CCDC171: variants seen among roughly 807,000 people sequenced by gnomAD.
CCDC171 encodes the protein coiled-coil domain-containing protein 171.
Under a neutral mutation model 168.2 loss-of-function variants are expected in CCDC171, and 177 were observed. That is an observed-to-expected ratio of 1.05 (90% CI 0.93 to 1.19). The LOEUF (loss-of-function observed/expected upper bound fraction) is 1.19, where lower values mean the gene tolerates loss of function less well. Among genes scored for constraint, CCDC171 ranks in the 50% most tolerant of loss-of-function variants. The probability of loss-of-function intolerance (pLI) is 0.00; values close to 1 mark genes in which losing one functional copy is unlikely to be tolerated. For synonymous variants in CCDC171, 687 were observed against 540.8 expected, an observed-to-expected ratio of 1.27 and a Z score of -3.75; for missense variants, 1,991 against 1,539.0, an observed-to-expected ratio of 1.29 and a Z score of -4.91.
chr9:15,784,789 C>T (rs1297542947), intron 21 of CCDC171, 95 bp downstream of exon 21: 5 of 910,026 alleles, frequency 5.5e-6, no homozygotes, highest in Non-Finnish European at 8.1e-6. Context: ...GAATAGATCC[C>T]AAGATGTAAA....
chr9:15,789,630 C>G (rs1456092881), intron 21 of CCDC171, among the ~76,000 whole-genome samples: 1 of 152,048 alleles, frequency 6.6e-6, no homozygotes, highest in African/African-American at 2.4e-5. Flanking sequence ...ACTTTAAGTT[C>G]TAGGGTACAT....
At chr9:15,784,958 A>G (rs1363103123) in intron 21 of CCDC171, among the ~76,000 whole-genome samples, 1 of 152,150 alleles carries the variant, frequency 6.6e-6, no homozygotes, top group African/African-American at 2.4e-5. Context: ...TAACAATAAA[A>G]TTAACAATAA....
chr9:15,846,926 C>T, intron 22 of CCDC171, 79 bp downstream of exon 22: 3 of 1,269,214 alleles, frequency 2.4e-6, no homozygotes, highest in Non-Finnish European at 2.2e-6. Context: ...GGTTTTAGCC[C>T]TGGATAATAC....
intron 6 of CCDC171, 64 bp from the exon 7 acceptor site, chr9:15,623,203 G>T (rs1318563165): frequency 1.4e-5 from 17 of 1,195,412 alleles, no homozygotes; most frequent in Non-Finnish European, 2.0e-5. Flanking sequence ...GTCTTCTATT[G>T]GAGTGACTCT....
the CCDC171 span, among the ~76,000 whole-genome samples, chr9:16,081,962 TAACTA>T: frequency 6.6e-6 from 1 of 152,160 alleles, no homozygotes; most frequent in African/African-American, 2.4e-5. Context: ...CTACCTCTCT[TAACTA>T]AAGAGTAGAA....
intron 21 of CCDC171, among the ~76,000 whole-genome samples, chr9:15,841,308 C>T (rs1163152344): frequency 6.6e-6 from 1 of 152,004 alleles, no homozygotes; most frequent in African/African-American, 2.4e-5. Flanking sequence ...TATAGGCACT[C>T]ATAAGTTGTC....
Position 15,728,048 on chromosome 9 carries a change from C to A in CCDC171, c.1860+12C>A. ...GGGCTAATGAGAAGGTAACTGTCCT[C>A]AGGCACCAGATACCTCTATTAAATT... On this transcript the variant is annotated intron_variant, in intron 15 of 25. Coordinates refer to ENST00000380701, the MANE Select transcript of CCDC171 (RefSeq NM_173550.4). The A allele has an allele frequency of 6.2e-7, 1 of 1,600,900 alleles. No homozygotes were observed. The highest frequency in any genetic ancestry group is 1.7e-5 in the Admixed American group (1 of 58,884).
chr9:16,014,086 C>T (rs960580732), intron 3 of CCDC171, among the ~76,000 whole-genome samples: 3 of 152,192 alleles, frequency 2.0e-5, no homozygotes, highest in Non-Finnish European at 4.4e-5. Flanking sequence ...GCATTTTACA[C>T]ATAGTGGAAC....
chr9:15,717,343 A>G (rs1020792222), intron 11 of CCDC171, among the ~76,000 whole-genome samples: 3 of 152,224 alleles, frequency 2.0e-5, no homozygotes, highest in African/African-American at 7.2e-5. Flanking sequence ...TTGAGCTCTG[A>G]CAAGCCTTGC....
intron 3 of CCDC171, among the ~76,000 whole-genome samples, chr9:15,982,505 C>G (rs554916945): frequency 6.6e-6 from 1 of 152,122 alleles, no homozygotes; most frequent in Non-Finnish European, 1.5e-5. Context: ...CCAAATCCCA[C>G]TCCAAATTAC....
chr9:15,760,307 C>T (rs2056374173), intron 18 of CCDC171, among the ~76,000 whole-genome samples: 1 of 152,012 alleles, frequency 6.6e-6, no homozygotes, highest in African/African-American at 2.4e-5. Context: ...AGGTAAAAAA[C>T]ATTCAGTCTT....
intron 23 of CCDC171, among the ~76,000 whole-genome samples, chr9:15,867,323 G>A (rs1043028643): frequency 6.6e-6 from 1 of 151,898 alleles, no homozygotes; most frequent in Admixed American, 6.6e-5. Context: ...TTGATTTTTA[G>A]TTTTCCGTGC....
intron 3 of CCDC171, among the ~76,000 whole-genome samples, chr9:15,984,791 A>C (rs1197114201): frequency 3.9e-5 from 6 of 152,164 alleles, no homozygotes; most frequent in Non-Finnish European, 5.9e-5. Flanking sequence ...TCATGGATAG[A>C]AACTAAGTCT....
intron 23 of CCDC171, among the ~76,000 whole-genome samples, chr9:15,864,153 T>TA (rs1352246539): frequency 6.6e-6 from 1 of 152,018 alleles, no homozygotes; most frequent in African/African-American, 2.4e-5. Context: ...ATTCTGACCT[T>TA]TTTTTGCCAG....
chr9:15,599,303 T>C (rs1226351865), intron 6 of CCDC171, among the ~76,000 whole-genome samples: 2 of 152,198 alleles, frequency 1.3e-5, no homozygotes, highest in Non-Finnish European at 2.9e-5. Flanking sequence ...TTCCTTTCCA[T>C]GTTTAGTGCT....
chr9:15,597,196 G>A (rs1433821445), intron 6 of CCDC171, among the ~76,000 whole-genome samples: 2 of 152,192 alleles, frequency 1.3e-5, no homozygotes, highest in Admixed American at 6.5e-5. Context: ...AATGGGAGTA[G>A]TGAGAGGGGG....
At chr9:15,681,373 C>T (rs1294690842) in intron 10 of CCDC171, among the ~76,000 whole-genome samples, 1 of 152,064 alleles carries the variant, frequency 6.6e-6, no homozygotes, top group Non-Finnish European at 1.5e-5. Flanking sequence ...TAATATGTTC[C>T]TCTTAATTTT....
chr9:16,076,333 G>A, the CCDC171 span, among the ~76,000 whole-genome samples: 1 of 152,158 alleles, frequency 6.6e-6, no homozygotes, highest in Non-Finnish European at 1.5e-5. Flanking sequence ...CCCCTGCGCC[G>A]GGTTGGTTCC....
At chr9:15,770,445 T>C (rs1392158746) in intron 18 of CCDC171, among the ~76,000 whole-genome samples, 1 of 152,206 alleles carries the variant, frequency 6.6e-6, no homozygotes, top group African/African-American at 2.4e-5. Flanking sequence ...AAAATGATTA[T>C]TCTTAGAAGG....
Sources: allele counts gnomAD v4.1 joint callset (sites outside exome capture counted in the v4.1 genomes callset), GRCh38; gene constraint gnomAD v4.1.1; transcripts MANE v1.5; gene names NCBI Gene and HGNC (gene_info 2026-07-23, HGNC 2026-07-21).